MCC: variants seen among roughly 807,000 people sequenced by gnomAD.
MCC encodes colorectal mutant cancer protein.
In MCC, 90 loss-of-function variants were observed where a neutral mutation model predicts 116.2. That is an observed-to-expected ratio of 0.77 (90% confidence interval 0.65 to 0.92). The LOEUF is 0.92. MCC is among the 40% of genes least tolerant of loss of function. The probability of loss-of-function intolerance (pLI) is 0.00; values close to 1 mark genes in which losing one functional copy is unlikely to be tolerated. For synonymous variants in MCC, 578 were observed against 510.5 expected (o/e 1.13, Z -1.78); for missense variants, 1,516 against 1,312.2 (o/e 1.16, Z -2.40).
chr5:113,385,010 C>G lies in MCC; in HGVS notation c.373G>C (p.Asp125His). 6.2e-7 allele frequency: 1 copy of G among 1,614,230 alleles called. No homozygotes were observed. The change falls in exon 2 of 19, where the codon GAT (aspartate) becomes CAT (histidine). Residue 125 changes from aspartate (D) to histidine (H), a missense_variant. Physicochemically the swap from Asp to His is moderately conservative, Grantham distance 81 (BLOSUM62 -1). Transcript: ENST00000408903. ...SDNSCTKKLR[D>H]RIASWPTSSD... Reference sequence around the variant, plus strand: ...CTCGTGGGCCAGGAAGCAATTCTATCCCTCAGCTTCTTTGTACAGGAGTTG... The same window carrying G: ...CTCGTGGGCCAGGAAGCAATTCTATGCCTCAGCTTCTTTGTACAGGAGTTG...
At chr5:113,333,940 AC>A (rs1767808519) in intron 3 of MCC, among the ~76,000 whole-genome samples, 1 of 71,542 alleles carries the variant, frequency 1.4e-5, no homozygotes, top group South Asian at 3.8e-4. Context: ...TTGAGGGAAG[AC>A]AAGGAGACAA....
chr5:113,333,462 G>T (rs1057162082), intron 3 of MCC, among the ~76,000 whole-genome samples: 2 of 151,436 alleles, frequency 1.3e-5, no homozygotes, highest in African/African-American at 4.9e-5. Flanking sequence ...TTTTTAATTC[G>T]CATGATTTTA....
At chr5:113,119,701 T>G (rs1374781205) in intron 6 of MCC, among the ~76,000 whole-genome samples, 1 of 147,310 alleles carries the variant, frequency 6.8e-6, no homozygotes, top group Admixed American at 6.7e-5. Flanking sequence ...GCTGACTAAA[T>G]GAAAAAAAAA....
At chr5:113,132,421 CACAT>C (rs1182922751) in intron 5 of MCC, among the ~76,000 whole-genome samples, 77 of 118,714 alleles carry the variant, frequency 6.5e-4, no homozygotes, top group East Asian at 1.3e-3. Context: ...TATATATACA[CACAT>C]ACATATATAT....
chr5:113,330,215 C>G (rs1767666427), intron 3 of MCC, among the ~76,000 whole-genome samples: 1 of 152,158 alleles, frequency 6.6e-6, no homozygotes, highest in African/African-American at 2.4e-5. Flanking sequence ...ATGCTGCCGC[C>G]CATGTAATGG....
chr5:113,239,395 T>C (rs1764274885), intron 3 of MCC, among the ~76,000 whole-genome samples: 1 of 152,146 alleles, frequency 6.6e-6, no homozygotes, highest in South Asian at 2.1e-4. Context: ...AGCAGGGTAC[T>C]CCCTTTCTCC....
At chr5:113,144,643 C>T (rs1554058371) in intron 4 of MCC, among the ~76,000 whole-genome samples, 1 of 152,196 alleles carries the variant, frequency 6.6e-6, no homozygotes, top group Non-Finnish European at 1.5e-5. Context: ...AAGTACTCAA[C>T]AAAGAAGTCT....
chr5:113,471,768 A>AGCCTACAGAGC, intron 1 of MCC, among the ~76,000 whole-genome samples: 4 of 44,730 alleles, frequency 8.9e-5, no homozygotes, highest in African/African-American at 2.2e-4. Context: ...GCCCCCAGAG[A>AGCCTACAGAGC]GGCAGGCAGG....
At chr5:113,469,076 CTTCT>C (rs1328924670) in intron 1 of MCC, among the ~76,000 whole-genome samples, 2 of 151,946 alleles carry the variant, frequency 1.3e-5, no homozygotes, top group East Asian at 1.9e-4. Context: ...TCTCTCTTTT[CTTCT>C]TTATTAGTCT....
chr5:113,189,287 G>A (rs1377737991), intron 3 of MCC, among the ~76,000 whole-genome samples: 1 of 152,192 alleles, frequency 6.6e-6, no homozygotes, highest in East Asian at 1.9e-4. Context: ...TATGGCTCTG[G>A]GGGAAGGACT....
intron 3 of MCC, among the ~76,000 whole-genome samples, chr5:113,190,242 C>T (rs1762087315): frequency 6.6e-6 from 1 of 152,186 alleles, no homozygotes; most frequent in Non-Finnish European, 1.5e-5. Context: ...CTTGTGTTCA[C>T]AGCCTGCTCT....
intron 1 of MCC, among the ~76,000 whole-genome samples, chr5:113,477,019 CTG>C (rs774787878): frequency 4.6e-5 from 7 of 152,210 alleles, no homozygotes; most frequent in Non-Finnish European, 1.0e-4. Flanking sequence ...GTCCTACTAA[CTG>C]TGGAATCTTG....
At chr5:113,463,731 G>A (rs1344386292) in intron 1 of MCC, among the ~76,000 whole-genome samples, 1 of 152,186 alleles carries the variant, frequency 6.6e-6, no homozygotes, top group Admixed American at 6.5e-5. Flanking sequence ...ATGCAGAAAA[G>A]AGGACCGAGC....
chr5:113,411,843 G>T (rs1443420253), intron 1 of MCC, among the ~76,000 whole-genome samples: 1 of 152,100 alleles, frequency 6.6e-6, no homozygotes, highest in African/African-American at 2.4e-5. Flanking sequence ...TGAAGTCCTT[G>T]CCTATGCCTA....
intron 14 of MCC, among the ~76,000 whole-genome samples, chr5:113,059,573 C>G (rs1256212463): frequency 6.6e-6 from 1 of 152,244 alleles, no homozygotes; most frequent in Non-Finnish European, 1.5e-5. Context: ...CTCTCCAGAA[C>G]AGGAGCCTGT....
chr5:113,191,760 C>T lies in MCC; in HGVS notation c.628-40338G>A, dbSNP rs141547064. The stretch of plus-strand genomic sequence containing the variant: ...AATGACGCAATTGATTATAGAACAG[C>T]GATGAGAAAGAGCAGCCCCCAGTGG... On this transcript the variant is annotated intron_variant, in intron 3 of 18. Transcript: ENST00000408903. Among the ~76,000 whole-genome samples, 15 of 152,278 alleles carry T rather than the reference C, an allele frequency of 9.9e-5. No individual in the cohort carries two copies. The East Asian group carries it at 2.7e-3, about 27-fold the overall frequency.
At chr5:113,139,502 A>C (rs1425832976) in intron 5 of MCC, among the ~76,000 whole-genome samples, 2 of 152,192 alleles carry the variant, frequency 1.3e-5, no homozygotes, top group Non-Finnish European at 2.9e-5. Flanking sequence ...CATATGAAAA[A>C]AAGCTCATCA....
Position 113,082,934 on chromosome 5 carries a change from T to A in MCC, c.1710A>T (p.Thr570=). The A allele has an allele frequency of 6.2e-7, 1 of 1,613,874 alleles. No homozygotes were observed. The highest frequency in any genetic ancestry group is 8.5e-7 in the Non-Finnish European group (1 of 1,179,942). Residue 570 remains threonine (T), a synonymous_variant, in exon 11 of 19, where the codon ACA becomes ACT. Transcript: ENST00000408903. ...DCSNIQEIFQ[T]LYSHGSAISE... is the part of the protein sequence containing the mutation. ...AGATGGCAGATCCGTGTGAGTAGAG[T>A]GTTTGGAAAATCTCTTGGATATTGG...
chr5:113,405,130 T>C (rs551701017), intron 1 of MCC, among the ~76,000 whole-genome samples: 45 of 152,324 alleles, frequency 3.0e-4, no homozygotes, highest in Non-Finnish European at 5.1e-4. Context: ...AAAGCAATGT[T>C]AGAGAAAAAT....
Sources: allele counts gnomAD v4.1 joint callset (sites outside exome capture counted in the v4.1 genomes callset), GRCh38; gene constraint gnomAD v4.1.1; transcripts MANE v1.5; gene names NCBI Gene and HGNC (gene_info 2026-07-23, HGNC 2026-07-21).